FBXL13: variants seen among roughly 807,000 people sequenced by gnomAD.
FBXL13 encodes the protein F-box and leucine-rich repeat protein 13.
Under a neutral mutation model 83.6 loss-of-function variants are expected in FBXL13, and 67 were observed. The ratio of observed to expected loss-of-function variants is 0.80; its 90% confidence interval spans 0.66 to 0.98. The LOEUF is 0.98. Among genes scored for constraint, FBXL13 ranks in the 50% least tolerant of loss-of-function variants. The pLI is 0.00. For synonymous variants in FBXL13, 272 were observed against 299.5 expected (o/e 0.91, Z 0.95); for missense variants, 822 against 866.5 (o/e 0.95, Z 0.64).
At chr7:103,016,863 G>A (rs1486408861) in intron 6 of FBXL13, among the ~76,000 whole-genome samples, 1 of 152,208 alleles carries the variant, frequency 6.6e-6, no homozygotes, top group Non-Finnish European at 1.5e-5. Flanking sequence ...ACAGCTCCAG[G>A]AGGCCTACCT....
At chr7:102,979,478 G>A (rs141829511) in intron 6 of FBXL13, among the ~76,000 whole-genome samples, 4 of 152,154 alleles carry the variant, frequency 2.6e-5, no homozygotes, top group Non-Finnish European at 2.9e-5. Context: ...CTTTTGTCAC[G>A]TAAGGTAACA....
In FBXL13 at chr7:102,817,850, G is replaced by A. The variant is rs566138355; in HGVS notation, c.2018+4190C>T. ...TTGGCCTAAGTGACTGTGAGACCCC[G>A]TATGAAATGATTTGGGAATTGAACC... On this transcript the variant is annotated intron_variant, in intron 19 of 19. Coordinates refer to ENST00000313221, the Ensembl canonical transcript of FBXL13. Among the ~76,000 whole-genome samples the A allele has an allele frequency of 6.6e-5, 10 of 152,208 alleles. No individual in the cohort carries two copies. In the South Asian group the frequency reaches 1.2e-3, roughly 19 times the overall value.
chr7:102,959,775 C>A (rs552375078), intron 8 of FBXL13, among the ~76,000 whole-genome samples: 1 of 152,020 alleles, frequency 6.6e-6, no homozygotes, highest in South Asian at 2.1e-4. Context: ...ACAAAGCAGT[C>A]AGTCTGGAAA....
At chr7:102,822,706 T>C (rs1403581299) in intron 18 of FBXL13, among the ~76,000 whole-genome samples, 1 of 152,222 alleles carries the variant, frequency 6.6e-6, no homozygotes, top group Non-Finnish European at 1.5e-5. Flanking sequence ...GGCCTACAAT[T>C]CAAGTGAGTT....
At chr7:103,020,737 CT>C (rs752391103) in intron 6 of FBXL13, among the ~76,000 whole-genome samples, 3 of 152,150 alleles carry the variant, frequency 2.0e-5, no homozygotes, top group Non-Finnish European at 4.4e-5. Context: ...TTCACAATTG[CT>C]TCAAAGAGAA....
chr7:102,973,791 G>A (rs754910169), intron 6 of FBXL13: 3 of 749,200 alleles, frequency 4.0e-6, no homozygotes, highest in South Asian at 1.4e-5. Context: ...CCGGGAGCCC[G>A]GTTAACAAGG....
chr7:102,830,996 C>T (rs1215172726), intron 18 of FBXL13, among the ~76,000 whole-genome samples: 2 of 152,102 alleles, frequency 1.3e-5, no homozygotes, highest in African/African-American at 2.4e-5. Context: ...TCAGAGTACA[C>T]GCATCTCTAT....
intron 19 of FBXL13, among the ~76,000 whole-genome samples, chr7:102,818,655 C>A (rs1292145728): frequency 6.6e-6 from 1 of 152,114 alleles, no homozygotes; most frequent in Non-Finnish European, 1.5e-5. Flanking sequence ...CTAAAGAAGG[C>A]CTTCCAGGAA....
chr7:102,891,691 A>C (rs1811554422), intron 11 of FBXL13, among the ~76,000 whole-genome samples: 1 of 152,234 alleles, frequency 6.6e-6, no homozygotes, highest in Non-Finnish European at 1.5e-5. Context: ...TTCCAGTGTG[A>C]GTGAGGAACC....
Position 103,024,135 on chromosome 7 carries a change from A to ATGAGAGAGAGAG in FBXL13, c.495+927_495+928insCTCTCTCTCTCA, listed in dbSNP as rs1793552982. Among the ~76,000 whole-genome samples, 2 of 96,586 alleles carry ATGAGAGAGAGAG rather than the reference A, an allele frequency of 2.1e-5. 1 individual carries two copies. The highest frequency in any genetic ancestry group is 4.5e-5 in the Non-Finnish European group (2 of 44,606). The allele number at this position is 96,586 out of a possible 152,430, so 63.4% of individuals were successfully genotyped here. A position where few individuals can be genotyped will look rare whatever the true frequency, so the allele number is the denominator to read the frequency against. On this transcript the variant is annotated intron_variant, in intron 6 of 19. Transcript: ENST00000313221. ...CCCTCAACCTAAAATAAAAGTTAAA[A>ATGAGAGAGAGAG]AGAGAGAGAGAGAGAGAGAGAGAGA...
intron 6 of FBXL13, among the ~76,000 whole-genome samples, chr7:103,012,570 A>G (rs1791767363): frequency 6.6e-6 from 1 of 152,210 alleles, no homozygotes; most frequent in Non-Finnish European, 1.5e-5. Flanking sequence ...TTCCTAAACA[A>G]CGGAGAAATA....
intron 8 of FBXL13, among the ~76,000 whole-genome samples, chr7:102,947,923 T>C (rs1331648538): frequency 1.3e-5 from 2 of 152,206 alleles, no homozygotes; most frequent in Non-Finnish European, 2.9e-5. Flanking sequence ...AGATATTTAA[T>C]GTTAAGCAGC....
rs1283850105 is a variant in FBXL13 at position 103,025,057 on chromosome 7, A to G, written c.495+6T>C. ...AGTATATAATGTATACTGAATTCATACAAACCTGTAATATTGCTCTTTCAG... is the reference window on the plus strand; with the variant it reads ...AGTATATAATGTATACTGAATTCATGCAAACCTGTAATATTGCTCTTTCAG... On this transcript the variant is annotated splice_donor_region_variant and intron_variant, in intron 6 of 19. Coordinates refer to ENST00000313221, the Ensembl canonical transcript of FBXL13. 6.2e-7 allele frequency: 1 copy of G among 1,604,010 alleles called. No individual in the cohort carries two copies. The highest frequency in any genetic ancestry group is 8.5e-7 in the Non-Finnish European group (1 of 1,174,624).
chr7:102,993,443 G>C (rs569095324), intron 6 of FBXL13, among the ~76,000 whole-genome samples: 40 of 152,298 alleles, frequency 2.6e-4, no homozygotes, highest in African/African-American at 9.1e-4. Context: ...AGAAGTCATA[G>C]TTGTTTAAAA....
intron 6 of FBXL13, among the ~76,000 whole-genome samples, chr7:103,015,842 T>C (rs966194161): frequency 1.4e-5 from 2 of 147,598 alleles, no homozygotes; most frequent in African/African-American, 5.0e-5. Context: ...AGTATTCCTA[T>C]ACACCAACAA....
intron 6 of FBXL13, among the ~76,000 whole-genome samples, chr7:103,020,670 G>A (rs944838027): frequency 1.3e-5 from 2 of 152,156 alleles, no homozygotes; most frequent in Admixed American, 6.5e-5. Context: ...AAAAACACAA[G>A]CATTCCTATA....
intron 2 of FBXL13, among the ~76,000 whole-genome samples, chr7:103,041,122 A>C (rs1264891434): frequency 6.6e-6 from 1 of 152,202 alleles, no homozygotes; most frequent in East Asian, 1.9e-4. Context: ...AAATAGATAC[A>C]ATAAAAAATG....
intron 18 of FBXL13, among the ~76,000 whole-genome samples, chr7:102,826,781 A>C (rs1172146521): frequency 3.1e-5 from 4 of 129,998 alleles, no homozygotes; most frequent in Non-Finnish European, 6.6e-5. Flanking sequence ...ATGTATATAT[A>C]TCTCTAATAT....
intron 6 of FBXL13, among the ~76,000 whole-genome samples, chr7:103,008,185 A>G (rs770079857): frequency 1.3e-5 from 2 of 152,240 alleles, no homozygotes; most frequent in African/African-American, 2.4e-5. Context: ...GCCCAAATTG[A>G]GAGACATTCT....
Sources: gnomAD v4.1 joint callset for allele counts (sites outside exome capture counted in the v4.1 genomes callset) on GRCh38, gnomAD v4.1.1 for gene constraint, MANE v1.5 for transcripts, NCBI Gene and HGNC (gene_info 2026-07-23, HGNC 2026-07-21) for gene names.